The following EPHB1 variants were observed in gnomAD, a reference collection of about 807,000 sequenced individuals.
The protein encoded by EPHB1 is ephrin type-B receptor 1.
EPHB1 carries 30 observed loss-of-function variants against 94.4 expected under a neutral mutation model. The ratio of observed to expected loss-of-function variants is 0.32; its 90% CI spans 0.24 to 0.43. The LOEUF is 0.43. Among genes scored for constraint, EPHB1 ranks in the 20% least tolerant of loss-of-function variants. EPHB1 has a pLI of 1.00. For synonymous variants in EPHB1, 522 were observed against 489.1 expected, an observed-to-expected ratio of 1.07 and a Z score of -0.89; for missense variants, 1,055 against 1,308.3, an observed-to-expected ratio of 0.81 and a Z score of 2.99.
At chr3:135,191,201 T>A (rs1942448159) in intron 10 of EPHB1, among the ~76,000 whole-genome samples, 1 of 152,178 alleles carries the variant, frequency 6.6e-6, no homozygotes, top group South Asian at 2.1e-4. Flanking sequence ...CACATAGTGT[T>A]GTAAATGATA....
At chr3:135,226,696 C>A (rs764804683) in intron 12 of EPHB1, among the ~76,000 whole-genome samples, 1 of 152,160 alleles carries the variant, frequency 6.6e-6, no homozygotes, top group Non-Finnish European at 1.5e-5. Context: ...CCAGAACATG[C>A]AGGAGAAGGG....
At chr3:135,075,747 A>G (rs745638082) in intron 3 of EPHB1, among the ~76,000 whole-genome samples, 1 of 152,196 alleles carries the variant, frequency 6.6e-6, no homozygotes, top group Non-Finnish European at 1.5e-5. Flanking sequence ...AGTTCTTCTT[A>G]ATCACTGCCA....
intron 12 of EPHB1, among the ~76,000 whole-genome samples, chr3:135,234,641 T>A (rs944147312): frequency 6.6e-6 from 1 of 152,210 alleles, no homozygotes; most frequent in Non-Finnish European, 1.5e-5. Flanking sequence ...TTTAATTGAC[T>A]CACAGTTCAG....
intron 4 of EPHB1, among the ~76,000 whole-genome samples, chr3:135,125,588 A>G (rs1940164170): frequency 6.6e-6 from 1 of 152,226 alleles, no homozygotes; most frequent in African/African-American, 2.4e-5. Context: ...ACTTAGAAAG[A>G]ATAAAGGTTT....
chr3:135,241,385 C>A (rs1006613097), intron 13 of EPHB1, 88 bp downstream of exon 13: 1 of 1,530,436 alleles, frequency 6.5e-7, no homozygotes, highest in Non-Finnish European at 9.0e-7. Context: ...GTTTTCAGCT[C>A]ACGGCCTCAT....
At chr3:134,930,936 C>T (rs371806037) in intron 2 of EPHB1, among the ~76,000 whole-genome samples, 8 of 152,274 alleles carry the variant, frequency 5.3e-5, no homozygotes, top group African/African-American at 1.4e-4. Flanking sequence ...AGAGAATGAG[C>T]CAGCTCCCTC....
chr3:134,824,770 T>G (rs1560250178), intron 1 of EPHB1, among the ~76,000 whole-genome samples: 1 of 152,196 alleles, frequency 6.6e-6, no homozygotes, highest in Non-Finnish European at 1.5e-5. Flanking sequence ...GTTGTTAAGA[T>G]GCATGGAGAG....
intron 3 of EPHB1, among the ~76,000 whole-genome samples, chr3:135,084,402 T>C (rs972186888): frequency 1.3e-5 from 2 of 152,154 alleles, no homozygotes; most frequent in Non-Finnish European, 2.9e-5. Context: ...CTCGTGGAGC[T>C]GGAAGAAGTC....
intron 1 of EPHB1, among the ~76,000 whole-genome samples, chr3:134,885,776 C>CTTTGA (rs1281758946): frequency 6.6e-6 from 1 of 152,202 alleles, no homozygotes; most frequent in East Asian, 1.9e-4. Flanking sequence ...AGCAGTACTT[C>CTTTGA]CCAACCTTCT....
At chr3:134,923,283 C>T (rs1414400996) in intron 1 of EPHB1, among the ~76,000 whole-genome samples, 4 of 152,168 alleles carry the variant, frequency 2.6e-5, no homozygotes, top group Admixed American at 6.5e-5. Context: ...GCCCCTGTTT[C>T]GCTGGGGTAG....
At chr3:135,057,087 C>G (rs1372058736) in intron 3 of EPHB1, among the ~76,000 whole-genome samples, 1 of 152,208 alleles carries the variant, frequency 6.6e-6, no homozygotes, top group Non-Finnish European at 1.5e-5. Flanking sequence ...CAGCCACATT[C>G]TTCCTGCTGC....
chr3:135,030,526 T>C (rs1183125191), intron 3 of EPHB1, among the ~76,000 whole-genome samples: 1 of 152,206 alleles, frequency 6.6e-6, no homozygotes, highest in Non-Finnish European at 1.5e-5. Flanking sequence ...GCCTCCCAGT[T>C]AGGCTGGTCG....
chr3:134,920,061 A>T (rs544896399), intron 1 of EPHB1, among the ~76,000 whole-genome samples: 1 of 151,906 alleles, frequency 6.6e-6, no homozygotes, highest in Admixed American at 6.6e-5. Context: ...TGAGGCTGCC[A>T]TTGCAGATCT....
intron 1 of EPHB1, among the ~76,000 whole-genome samples, chr3:134,911,856 C>A (rs972160547): frequency 6.6e-6 from 1 of 152,158 alleles, no homozygotes; most frequent in African/African-American, 2.4e-5. Context: ...CCCTCACTGG[C>A]ACGTCCCCAA....
At chr3:135,132,419 C>T (rs1362676788) in intron 4 of EPHB1, among the ~76,000 whole-genome samples, 1 of 152,092 alleles carries the variant, frequency 6.6e-6, no homozygotes, top group Non-Finnish European at 1.5e-5. Flanking sequence ...GTGGCTTGAT[C>T]CTGAGAGCAA....
chr3:134,860,258 T>C (rs943239904), intron 1 of EPHB1, among the ~76,000 whole-genome samples: 11 of 151,908 alleles, frequency 7.2e-5, no homozygotes, highest in African/African-American at 2.7e-4. Context: ...TGGGAGCATC[T>C]CCGCCATACT....
chr3:134,966,262 C>T (rs960833617), intron 3 of EPHB1, among the ~76,000 whole-genome samples: 1 of 152,158 alleles, frequency 6.6e-6, no homozygotes, highest in South Asian at 2.1e-4. Context: ...GGCCAGCCCC[C>T]GTGCAAATCA....
At chr3:134,866,167 G>A (rs2037373538) in intron 1 of EPHB1, among the ~76,000 whole-genome samples, 1 of 152,236 alleles carries the variant, frequency 6.6e-6, no homozygotes, top group African/African-American at 2.4e-5. Flanking sequence ...TGGGCAAGAG[G>A]CTGGGAAAGC....
intron 3 of EPHB1, among the ~76,000 whole-genome samples, chr3:134,999,058 G>T (rs1018827755): frequency 3.3e-5 from 5 of 152,204 alleles, no homozygotes; most frequent in Non-Finnish European, 7.3e-5. Context: ...TGTCAGCCAG[G>T]TGGCTATGCA....
Sources: gnomAD v4.1 joint callset for allele counts (sites outside exome capture counted in the v4.1 genomes callset) on GRCh38, gnomAD v4.1.1 for gene constraint, MANE v1.5 for transcripts, NCBI Gene and HGNC (gene_info 2026-07-23, HGNC 2026-07-21) for gene names.